ARB2A: variants seen among roughly 807,000 people sequenced by gnomAD.
ARB2A encodes the protein cotranscriptional regulator ARB2A.
At chr5:93,654,703 C>T in the ARB2A span, among the ~76,000 whole-genome samples, 1 of 152,182 alleles carries the variant, frequency 6.6e-6, no homozygotes, top group Non-Finnish European at 1.5e-5. Context: ...TCAAATCCCT[C>T]CTTGTTACCT....
chr5:94,039,031 C>T, the ARB2A span, among the ~76,000 whole-genome samples: 1 of 152,092 alleles, frequency 6.6e-6, no homozygotes. Context: ...TGATGAAATC[C>T]TTTCCACAGG....
chr5:93,919,889 A>G, the ARB2A span, among the ~76,000 whole-genome samples: 1 of 152,214 alleles, frequency 6.6e-6, no homozygotes, highest in Non-Finnish European at 1.5e-5. Flanking sequence ...AGACAAAGGT[A>G]CAAGGCTTGT....
chr5:93,717,887 T>G, the ARB2A span, among the ~76,000 whole-genome samples: 6 of 149,888 alleles, frequency 4.0e-5, no homozygotes, highest in Non-Finnish European at 8.9e-5. Flanking sequence ...CAGGCTGGAG[T>G]GCAGTGGCAT....
the ARB2A span, among the ~76,000 whole-genome samples, chr5:93,777,305 T>TAAC: frequency 6.6e-6 from 1 of 151,916 alleles, no homozygotes; most frequent in African/African-American, 2.4e-5. Flanking sequence ...ACTTAAAGTA[T>TAAC]AATAATAATA....
chr5:93,768,575 C>T, the ARB2A span, among the ~76,000 whole-genome samples: 1 of 150,438 alleles, frequency 6.6e-6, no homozygotes, highest in African/African-American at 2.5e-5. Context: ...TACATATATA[C>T]TATGTGTGTG....
the ARB2A span, among the ~76,000 whole-genome samples, chr5:93,682,190 A>C: frequency 1.3e-5 from 2 of 152,014 alleles, no homozygotes; most frequent in African/African-American, 2.4e-5. Context: ...AATTTGGCAA[A>C]ACATCAAAGT....
chr5:94,109,241 G>T, the ARB2A span, among the ~76,000 whole-genome samples: 2 of 152,138 alleles, frequency 1.3e-5, no homozygotes, highest in Non-Finnish European at 2.9e-5. Flanking sequence ...AATTCATAGA[G>T]GCAGAAAGTA....
At chr5:93,692,677 T>C in the ARB2A span, among the ~76,000 whole-genome samples, 1 of 152,170 alleles carries the variant, frequency 6.6e-6, no homozygotes, top group Non-Finnish European at 1.5e-5. Flanking sequence ...GGACGTGAAC[T>C]CAGCTCTGGA....
the ARB2A span, among the ~76,000 whole-genome samples, chr5:93,842,738 G>C: frequency 6.6e-6 from 1 of 152,186 alleles, no homozygotes; most frequent in South Asian, 2.1e-4. Context: ...GGGATTGAAG[G>C]AGAGTGACAT....
chr5:93,952,206 T>A, the ARB2A span, among the ~76,000 whole-genome samples: 1 of 152,182 alleles, frequency 6.6e-6, no homozygotes, highest in African/African-American at 2.4e-5. Context: ...ATGACATTCT[T>A]CACAGAAATA....
At chr5:94,081,790 T>TGTCTCTATGTATTAAATG in the ARB2A span, among the ~76,000 whole-genome samples, 1 of 152,028 alleles carries the variant, frequency 6.6e-6, no homozygotes, top group Non-Finnish European at 1.5e-5. Context: ...ATTGGGGTAG[T>TGTCTCTATGTATTAAATG]GTCTCTATGT....
the ARB2A span, among the ~76,000 whole-genome samples, chr5:94,103,795 C>CA: frequency 3.0e-3 from 339 of 113,296 alleles, 1 homozygote; most frequent in Middle Eastern, 0.015. Context: ...TCAACAGATT[C>CA]AAAAAAAAAA....
the ARB2A span, among the ~76,000 whole-genome samples, chr5:93,793,173 A>G: frequency 6.6e-6 from 1 of 150,854 alleles, no homozygotes; most frequent in Non-Finnish European, 1.5e-5. Context: ...CCTGGGCTCA[A>G]GTGAACCTCT....
At chr5:93,856,919 A>T in the ARB2A span, among the ~76,000 whole-genome samples, 1 of 150,570 alleles carries the variant, frequency 6.6e-6, no homozygotes, top group African/African-American at 2.4e-5. Context: ...GGTTTTATCT[A>T]CTTTTGGTCT....
At chr5:93,844,184 C>T in the ARB2A span, among the ~76,000 whole-genome samples, 1 of 152,030 alleles carries the variant, frequency 6.6e-6, no homozygotes, top group South Asian at 2.1e-4. Flanking sequence ...TAGCTCACGC[C>T]TGTAATTCCA....
chr5:93,761,918 C>G, the ARB2A span, among the ~76,000 whole-genome samples: 1 of 152,218 alleles, frequency 6.6e-6, no homozygotes, highest in Non-Finnish European at 1.5e-5. Context: ...TGTTCTGCAG[C>G]CTCTGCTGCT....
chr5:93,692,737 A>C, the ARB2A span, among the ~76,000 whole-genome samples: 1 of 152,212 alleles, frequency 6.6e-6, no homozygotes, highest in Non-Finnish European at 1.5e-5. Context: ...ACTCCAAATC[A>C]ATAGAATATA....
the ARB2A span, among the ~76,000 whole-genome samples, chr5:94,017,136 C>T: frequency 6.6e-6 from 1 of 152,146 alleles, no homozygotes; most frequent in Non-Finnish European, 1.5e-5. Flanking sequence ...TGAACCAGGA[C>T]AAAGATTGAA....
At chr5:93,906,855 C>T in the ARB2A span, among the ~76,000 whole-genome samples, 1 of 151,454 alleles carries the variant, frequency 6.6e-6, no homozygotes, top group African/African-American at 2.4e-5. Flanking sequence ...ATCTTCAGTA[C>T]ACAAGAAAAG....
Sources: gnomAD v4.1 joint callset for allele counts (sites outside exome capture counted in the v4.1 genomes callset) on GRCh38, gnomAD v4.1.1 for gene constraint, MANE v1.5 for transcripts, NCBI Gene and HGNC (gene_info 2026-07-23, HGNC 2026-07-21) for gene names.